Variants in INPP4B observed in about 807,000 individuals in gnomAD.
INPP4B encodes inositol polyphosphate-4-phosphatase type II B.
In INPP4B, 55 loss-of-function variants were observed where a neutral mutation model predicts 122.5. The ratio of observed to expected loss-of-function variants is 0.45; its 90% confidence interval spans 0.36 to 0.56. The LOEUF (loss-of-function observed/expected upper bound fraction) is 0.56, where lower values mean the gene tolerates loss of function less well. INPP4B is among the 20% of genes least tolerant of loss of function. The pLI is 0.00. For synonymous variants in INPP4B, 403 were observed against 388.7 expected, an observed-to-expected ratio of 1.04 and a Z score of -0.43; for missense variants, 1,000 against 1,097.7, an observed-to-expected ratio of 0.91 and a Z score of 1.26.
At chr4:142,116,254 G>A (rs1468119121) in intron 21 of INPP4B, among the ~76,000 whole-genome samples, 3 of 152,142 alleles carry the variant, frequency 2.0e-5, no homozygotes, top group African/African-American at 4.8e-5. Flanking sequence ...ACAGATCAAG[G>A]AGACAGAAAG....
At chr4:142,200,778 C>T (rs1191085285) in intron 14 of INPP4B, among the ~76,000 whole-genome samples, 1 of 151,884 alleles carries the variant, frequency 6.6e-6, no homozygotes, top group Non-Finnish European at 1.5e-5. Flanking sequence ...GGGTAAAAGT[C>T]CCCAAATATT....
At chr4:142,780,064 AC>A (rs1774567827) in intron 1 of INPP4B, among the ~76,000 whole-genome samples, 2 of 152,194 alleles carry the variant, frequency 1.3e-5, no homozygotes, top group Admixed American at 1.3e-4. Flanking sequence ...AAATGTCATT[AC>A]TTTTATATTC....
chr4:142,488,084 C>T (rs971208580), intron 2 of INPP4B, among the ~76,000 whole-genome samples: 26 of 151,924 alleles, frequency 1.7e-4, no homozygotes, highest in African/African-American at 6.0e-4. Context: ...CTTTTCATTC[C>T]TAGACTTCTG....
At chr4:142,835,759 G>A (rs1220335970) in intron 1 of INPP4B, among the ~76,000 whole-genome samples, 3 of 152,140 alleles carry the variant, frequency 2.0e-5, no homozygotes, top group Non-Finnish European at 4.4e-5. Flanking sequence ...ACTATTATTC[G>A]TACTCATTCT....
chr4:142,578,589 T>C (rs957134497), intron 2 of INPP4B, among the ~76,000 whole-genome samples: 1 of 151,898 alleles, frequency 6.6e-6, no homozygotes, highest in Non-Finnish European at 1.5e-5. Flanking sequence ...CTTTGTGTGT[T>C]CAAATTTCCT....
At chr4:142,058,734 TGAG>T (rs1266042626) in intron 25 of INPP4B, among the ~76,000 whole-genome samples, 2 of 152,136 alleles carry the variant, frequency 1.3e-5, no homozygotes, top group Non-Finnish European at 2.9e-5. Flanking sequence ...AAAAACCTAT[TGAG>T]GAGGATTCTT....
At chr4:142,361,275 T>C (rs924517638) in intron 7 of INPP4B, among the ~76,000 whole-genome samples, 4 of 151,988 alleles carry the variant, frequency 2.6e-5, no homozygotes, top group East Asian at 3.9e-4. Context: ...TAAATTAGAA[T>C]ATCTTCAAAA....
rs143434455 is a variant in INPP4B, at chr4:142,594,726, C to T, written c.-191+131113G>A. Among the ~76,000 whole-genome samples the T allele has an allele frequency of 2.7e-3, 413 of 152,114 alleles. 6 individuals are homozygous for T. Among genetic ancestry groups the T allele is most frequent in the East Asian group, 0.018 (94 of 5,160 alleles). On this transcript the variant is annotated intron_variant, in intron 2 of 25. Coordinates refer to ENST00000262992, the MANE Select transcript of INPP4B (RefSeq NM_001101669.3). The stretch of plus-strand genomic sequence containing the variant: ...ATCCCAGCACTTTGGGAGCCCGAGG[C>T]GGTTGGATCACCAGGTCAGGAGATC...
chr4:142,734,712 C>T (rs1580799165), intron 1 of INPP4B, among the ~76,000 whole-genome samples: 1 of 152,164 alleles, frequency 6.6e-6, no homozygotes, highest in Non-Finnish European at 1.5e-5. Context: ...ATAGGGCGAT[C>T]TCGGCTCACT....
At chr4:142,599,281 C>T (rs1010014526) in intron 2 of INPP4B, among the ~76,000 whole-genome samples, 1 of 152,102 alleles carries the variant, frequency 6.6e-6, no homozygotes, top group African/African-American at 2.4e-5. Context: ...ATAAGCCATC[C>T]AATATTAGCC....
chr4:142,226,829 T>C (rs1851801015), intron 12 of INPP4B, among the ~76,000 whole-genome samples: 1 of 152,194 alleles, frequency 6.6e-6, no homozygotes, highest in Non-Finnish European at 1.5e-5. Flanking sequence ...TGTGGTTACA[T>C]GTAGTTAAAT....
chr4:142,120,716 T>G (rs1389341468), intron 21 of INPP4B, among the ~76,000 whole-genome samples: 1 of 152,084 alleles, frequency 6.6e-6, no homozygotes, highest in Non-Finnish European at 1.5e-5. Flanking sequence ...TAGGAAATTG[T>G]GTTCACAGGG....
At chr4:142,124,920 G>A (rs1012875769) in intron 18 of INPP4B, among the ~76,000 whole-genome samples, 160 bp from the exon 19 acceptor site, 9 of 151,976 alleles carry the variant, frequency 5.9e-5, no homozygotes, top group African/African-American at 9.7e-5. Context: ...TAAATCTCTC[G>A]CCTGAACTCC....
chr4:142,160,649 C>T (rs1284171451), intron 16 of INPP4B, 88 bp from the exon 17 acceptor site: 4 of 927,050 alleles, frequency 4.3e-6, no homozygotes, highest in Admixed American at 2.4e-5. Flanking sequence ...TTTGTTGGTA[C>T]TTAAGTGGTG....
chr4:142,711,994 G>A (rs947172926), intron 2 of INPP4B, among the ~76,000 whole-genome samples: 29 of 152,184 alleles, frequency 1.9e-4, no homozygotes, highest in African/African-American at 6.8e-4. Flanking sequence ...GTTTCAGTGA[G>A]CTGAGATTGT....
At chr4:142,776,702 T>C (rs1773971971) in intron 1 of INPP4B, among the ~76,000 whole-genome samples, 3 of 152,200 alleles carry the variant, frequency 2.0e-5, no homozygotes, top group Admixed American at 2.0e-4. Flanking sequence ...ATTTTAAAAA[T>C]TCTATTTATA....
At chr4:142,628,818 G>A (rs991026164) in intron 2 of INPP4B, among the ~76,000 whole-genome samples, 4 of 151,934 alleles carry the variant, frequency 2.6e-5, no homozygotes, top group African/African-American at 4.8e-5. Flanking sequence ...AAAGATAAAC[G>A]CAAATAAGTG....
At chr4:142,037,970 A>T (rs1301753377) in intron 25 of INPP4B, among the ~76,000 whole-genome samples, 1 of 152,192 alleles carries the variant, frequency 6.6e-6, no homozygotes, top group Non-Finnish European at 1.5e-5. Context: ...CCATAGTAAC[A>T]AATAGTAAAG....
In INPP4B at chr4:142,737,108, C is replaced by A. The variant is rs1339357263; in HGVS notation, c.-253-11207G>T. On this transcript the variant is annotated intron_variant, in intron 1 of 25. Coordinates refer to ENST00000262992, the MANE Select transcript of INPP4B (RefSeq NM_001101669.3). Reference sequence around the variant, plus strand: ...ACTTTCTTCACAGAATTGGAAAAAACTACTTTAAAGTTCATATGGAACCAA... The same window carrying A: ...ACTTTCTTCACAGAATTGGAAAAAAATACTTTAAAGTTCATATGGAACCAA... Among the ~76,000 whole-genome samples the A allele has an allele frequency of 2.0e-5, 3 of 152,164 alleles. No homozygotes were observed. In the East Asian group the frequency reaches 5.8e-4, roughly 29 times the overall value.
Sources: gnomAD v4.1 joint callset for allele counts (sites outside exome capture counted in the v4.1 genomes callset) on GRCh38, gnomAD v4.1.1 for gene constraint, MANE v1.5 for transcripts, NCBI Gene and HGNC (gene_info 2026-07-23, HGNC 2026-07-21) for gene names.